MCTP1: variants seen among roughly 807,000 people sequenced by gnomAD.
MCTP1 encodes multiple C2 and transmembrane domain-containing protein 1.
A neutral mutation model predicts 120.6 loss-of-function variants in MCTP1; 69 were observed. The ratio of observed to expected loss-of-function variants is 0.57; its 90% CI spans 0.47 to 0.70. The LOEUF is 0.70. Ranked by LOEUF, MCTP1 falls within the 30% of genes least tolerant of loss-of-function variation. The pLI is 0.00. For synonymous variants in MCTP1, 529 were observed against 493.1 expected (o/e 1.07, Z -0.96); for missense variants, 1,203 against 1,248.8 (o/e 0.96, Z 0.55).
At chr5:94,983,392 T>C (rs1239107739) in intron 2 of MCTP1, among the ~76,000 whole-genome samples, 2 of 152,134 alleles carry the variant, frequency 1.3e-5, no homozygotes, top group African/African-American at 4.8e-5. Flanking sequence ...TATGGTGTAG[T>C]TAGAGGAATA....
intron 19 of MCTP1, among the ~76,000 whole-genome samples, chr5:94,755,406 A>G (rs1769542664): frequency 6.6e-6 from 1 of 151,902 alleles, no homozygotes; most frequent in Admixed American, 6.6e-5. Context: ...CTTAATTCCC[A>G]CTTTCCTCTC....
intron 1 of MCTP1, among the ~76,000 whole-genome samples, chr5:95,085,946 T>C (rs950929135): frequency 1.2e-4 from 19 of 152,134 alleles, no homozygotes; most frequent in African/African-American, 4.6e-4. Context: ...GAGGTCTTTA[T>C]ATATTATTGT....
intron 1 of MCTP1, among the ~76,000 whole-genome samples, chr5:95,090,543 C>T (rs1340488294): frequency 3.9e-5 from 6 of 152,168 alleles, no homozygotes; most frequent in Admixed American, 6.5e-5. Context: ...CACAGATACA[C>T]GTGGAGTTGT....
chr5:94,771,118 A>G (rs1278187614), intron 19 of MCTP1, among the ~76,000 whole-genome samples: 2 of 152,174 alleles, frequency 1.3e-5, no homozygotes, highest in Admixed American at 1.3e-4. Flanking sequence ...TTACTTGTAA[A>G]ATTTGTATTT....
At chr5:95,214,593 T>C (rs1752817195) in intron 1 of MCTP1, among the ~76,000 whole-genome samples, 3 of 152,066 alleles carry the variant, frequency 2.0e-5, no homozygotes, top group Non-Finnish European at 2.9e-5. Context: ...CTATTCACAA[T>C]AGCAAAGACT....
intron 1 of MCTP1, among the ~76,000 whole-genome samples, chr5:95,045,196 A>C (rs2151941346): frequency 6.6e-6 from 1 of 152,306 alleles, no homozygotes; most frequent in East Asian, 1.9e-4. Flanking sequence ...GGCTATTGGC[A>C]GGACTAGCTC....
chr5:95,169,136 T>C (rs1331049181), intron 1 of MCTP1, among the ~76,000 whole-genome samples: 1 of 152,276 alleles, frequency 6.6e-6, no homozygotes, highest in Non-Finnish European at 1.5e-5. Context: ...AGGCCTTTTC[T>C]GCATCTTTTG....
At chr5:94,723,555 G>T (rs983361893) in intron 19 of MCTP1, among the ~76,000 whole-genome samples, 1 of 149,548 alleles carries the variant, frequency 6.7e-6, no homozygotes. Flanking sequence ...ACTTGGCAGA[G>T]TTTTTTTTTT....
chr5:94,835,897 G>C, intron 17 of MCTP1, among the ~76,000 whole-genome samples: 1 of 152,230 alleles, frequency 6.6e-6, no homozygotes, highest in African/African-American at 2.4e-5. Context: ...CCAGCTACTC[G>C]GGAGGCTGAG....
Position 95,249,017 on chromosome 5 carries a change from T to G in MCTP1, c.720+34839A>C, listed in dbSNP as rs183520062. On this transcript the variant is annotated intron_variant, in intron 1 of 22. Coordinates refer to ENST00000515393, the MANE Select transcript of MCTP1 (RefSeq NM_024717.7). ...ACCGTATACAAAAATTAACTCAAGA[T>G]GGATTAAAGACTTAAATGTAAGACC... Among the ~76,000 whole-genome samples, 952 of 152,282 alleles carry G rather than the reference T, an allele frequency of 6.3e-3. 12 individuals carry two copies. Among genetic ancestry groups the G allele is most frequent in the African/African-American group, 0.021 (875 of 41,540 alleles).
rs541127585 is a variant in MCTP1, at chr5:95,162,137, G to A, written c.720+121719C>T. Among the ~76,000 whole-genome samples, 10 of 152,302 alleles carry A rather than the reference G, an allele frequency of 6.6e-5. No individual in the cohort carries two copies. The South Asian group carries it at 1.0e-3, about 16-fold the overall frequency. On this transcript the variant is annotated intron_variant, in intron 1 of 22. Transcript: ENST00000515393. The stretch of plus-strand genomic sequence containing the variant: ...AAGAACTTGTGCACTGAGACGATAA[G>A]TAGGCTAAGAATAGCATTGATAATA...
At chr5:95,041,913 A>G (rs997174794) in intron 1 of MCTP1, among the ~76,000 whole-genome samples, 2 of 152,222 alleles carry the variant, frequency 1.3e-5, no homozygotes, top group African/African-American at 4.8e-5. Flanking sequence ...CTTGTTTCCA[A>G]CTCCGCATCC....
chr5:94,899,753 C>G (rs532401725), intron 10 of MCTP1, among the ~76,000 whole-genome samples: 1 of 152,304 alleles, frequency 6.6e-6, no homozygotes, highest in East Asian at 1.9e-4. Flanking sequence ...ATGGATGCAC[C>G]TGCTAAGCAA....
chr5:95,225,686 C>G (rs1490603348), intron 1 of MCTP1, among the ~76,000 whole-genome samples: 2 of 152,110 alleles, frequency 1.3e-5, no homozygotes, highest in Admixed American at 1.3e-4. Flanking sequence ...GCCTTCCCGT[C>G]TTTCCTCAGG....
rs369934338 is a variant in MCTP1 at position 94,937,015 on chromosome 5, C to T, written c.1173+3069G>A. ...CCACACTGGTTACCCTTCTCTCTGC[C>T]TCCTTAGGGGTGAGTGAGATCAGGA... is the stretch of plus-strand genomic sequence containing the variant. On this transcript the variant is annotated intron_variant, in intron 5 of 22. Transcript: ENST00000515393. 2.0e-4 allele frequency among the ~76,000 whole-genome samples: 31 copies of T among 152,144 alleles called. No individual in the cohort carries two copies. In the East Asian group the frequency reaches 6.0e-3, roughly 30 times the overall value.
chr5:94,914,337 G>T (rs1809528100), intron 8 of MCTP1, among the ~76,000 whole-genome samples: 1 of 152,162 alleles, frequency 6.6e-6, no homozygotes, highest in Non-Finnish European at 1.5e-5. Context: ...CAAAGTTACA[G>T]TCTATTTTAC....
chr5:94,888,073 A>AC (rs1801726118), intron 12 of MCTP1, among the ~76,000 whole-genome samples: 1 of 90 alleles, frequency 0.011, no homozygotes, highest in Non-Finnish European at 0.024. Flanking sequence ...AAATTTGCAC[A>AC]AATGGTCAAG....
intron 19 of MCTP1, among the ~76,000 whole-genome samples, chr5:94,758,014 T>TTATA (rs1188405959): frequency 1.3e-5 from 2 of 152,130 alleles, no homozygotes; most frequent in African/African-American, 4.8e-5. Flanking sequence ...TAGTAAGGTG[T>TTATA]TATAGATGGA....
rs150845771 is a variant in MCTP1, at chr5:95,220,950, T to C, written c.720+62906A>G. On this transcript the variant is annotated intron_variant, in intron 1 of 22. Transcript: ENST00000515393. ...ACAGATGGTACTAAATTGAGACGTG[T>C]TGCAAACATCAGTAAAGGCAGAAAA... 4.1e-3 allele frequency among the ~76,000 whole-genome samples: 626 copies of C among 152,304 alleles called. 9 individuals are homozygous for C. Among genetic ancestry groups the C allele is most frequent in the Non-Finnish European group, 2.5e-3 (168 of 68,034 alleles).
Sources: allele counts gnomAD v4.1 joint callset (sites outside exome capture counted in the v4.1 genomes callset), GRCh38; gene constraint gnomAD v4.1.1; transcripts MANE v1.5; gene names NCBI Gene and HGNC (gene_info 2026-07-23, HGNC 2026-07-21).